SMARCC1: variants seen among roughly 807,000 people sequenced by gnomAD.
The protein encoded by SMARCC1 is SWI/SNF related BAF chromatin remodeling complex subunit C1.
In SMARCC1, 43 loss-of-function variants were observed where a neutral mutation model predicts 147.4. The observed-to-expected ratio is 0.29, with a 90% CI of 0.23 to 0.38. The LOEUF is 0.38. Among genes scored for constraint, SMARCC1 ranks in the 10% least tolerant of loss-of-function variants. The pLI, the probability that SMARCC1 is intolerant of heterozygous loss-of-function variation, is 1.00. For synonymous variants in SMARCC1, 495 were observed against 484.4 expected (o/e 1.02, Z -0.29); for missense variants, 1,119 against 1,381.1 (o/e 0.81, Z 3.01).
intron 3 of SMARCC1, among the ~76,000 whole-genome samples, chr3:47,740,209 TTTA>T (rs1224314379): frequency 3.0e-5 from 4 of 133,562 alleles, no homozygotes; most frequent in African/African-American, 8.7e-5. Context: ...TTTTTTTTTT[TTTA>T]AAAGACAGAC....
chr3:47,667,111 A>T (rs544237534), intron 19 of SMARCC1, among the ~76,000 whole-genome samples: 5 of 152,146 alleles, frequency 3.3e-5, no homozygotes, highest in Non-Finnish European at 7.4e-5. Context: ...AGGTCAGGAG[A>T]TCGAGACCAT....
At chr3:47,609,442 A>G (rs1576386378) in intron 26 of SMARCC1, among the ~76,000 whole-genome samples, 1 of 152,118 alleles carries the variant, frequency 6.6e-6, no homozygotes, top group East Asian at 1.9e-4. Flanking sequence ...GCTTGCAGTG[A>G]GCCAAGATCG....
intron 22 of SMARCC1, among the ~76,000 whole-genome samples, chr3:47,636,966 T>C (rs2032979366): frequency 6.6e-6 from 1 of 152,168 alleles, no homozygotes; most frequent in South Asian, 2.1e-4. Context: ...GCTAATAATT[T>C]CAGGAAGAAC....
chr3:47,723,754 G>A (rs1484026856), intron 6 of SMARCC1, among the ~76,000 whole-genome samples: 1 of 151,964 alleles, frequency 6.6e-6, no homozygotes, highest in Non-Finnish European at 1.5e-5. Flanking sequence ...AGGTTGCAGC[G>A]AGCGGAGACC....
intron 2 of SMARCC1, among the ~76,000 whole-genome samples, chr3:47,746,798 T>C (rs1396957439): frequency 6.7e-6 from 1 of 149,768 alleles, no homozygotes; most frequent in Non-Finnish European, 1.5e-5. Flanking sequence ...TGGTGCTATC[T>C]CGGCTCACTG....
chr3:47,683,374 A>T (rs1002714330), intron 14 of SMARCC1, among the ~76,000 whole-genome samples: 1 of 152,050 alleles, frequency 6.6e-6, no homozygotes, highest in Non-Finnish European at 1.5e-5. Flanking sequence ...TGTACTCAGG[A>T]AAGTCTCAAT....
chr3:47,766,723 C>T (rs768492912), intron 2 of SMARCC1, among the ~76,000 whole-genome samples: 1 of 152,186 alleles, frequency 6.6e-6, no homozygotes, highest in East Asian at 1.9e-4. Flanking sequence ...TTGTTTTATA[C>T]CCACATCTTC....
In SMARCC1 at chr3:47,746,977, G is replaced by A. The variant is rs374225215; in HGVS notation, c.316-984C>T. Among the ~76,000 whole-genome samples, 10 of 151,738 alleles carry A rather than the reference G, an allele frequency of 6.6e-5. 1 individual carries two copies. The highest frequency in any genetic ancestry group is 4.2e-4 in the South Asian group (2 of 4,792). ...ACTCCCAACCTCAGGTGATCTGCCC[G>A]CCTCAACCTCCCAAAGTGCTGTGAT... On this transcript the variant is annotated intron_variant, in intron 2 of 27. Coordinates refer to ENST00000254480, the MANE Select transcript of SMARCC1 (RefSeq NM_003074.4).
intron 21 of SMARCC1, among the ~76,000 whole-genome samples, 187 bp downstream of exon 21, chr3:47,661,107 T>G (rs1394094422): frequency 6.6e-6 from 1 of 152,204 alleles, no homozygotes; most frequent in East Asian, 1.9e-4. Flanking sequence ...AGTTACAAGA[T>G]AATTTTTTAG....
Position 47,736,024 on chromosome 3 carries a change from T to A in SMARCC1, c.576+10A>T. The A allele has an allele frequency of 1.5e-6, 2 of 1,344,542 alleles. No homozygotes were observed. The highest frequency in any genetic ancestry group is 2.1e-6 in the Non-Finnish European group (2 of 954,500). 83.3% of individuals were successfully genotyped at this position (1,344,542 alleles called of 1,614,324 possible). On this transcript the variant is annotated intron_variant, in intron 5 of 27. Transcript: ENST00000254480. ...TGTCTATTATTATCTGAAGTGATTG[T>A]GTCTATTACCTGATGTCGTTTGATG...
intron 11 of SMARCC1, among the ~76,000 whole-genome samples, chr3:47,700,167 TAA>T (rs912206538): frequency 2.0e-5 from 3 of 151,830 alleles, no homozygotes; most frequent in Admixed American, 1.3e-4. Flanking sequence ...TTCATTTCAA[TAA>T]AGTATATTAA....
At chr3:47,690,822 G>A (rs575623853) in intron 12 of SMARCC1, among the ~76,000 whole-genome samples, 1 of 152,332 alleles carries the variant, frequency 6.6e-6, no homozygotes, top group South Asian at 2.1e-4. Flanking sequence ...ACAAGGAATA[G>A]GTGATTCTGG....
chr3:47,757,085 C>CA (rs1055109623), intron 2 of SMARCC1, among the ~76,000 whole-genome samples: 10 of 151,872 alleles, frequency 6.6e-5, no homozygotes, highest in East Asian at 1.9e-4. Context: ...ACTGTCTCTA[C>CA]AAAAAAACAG....
At chr3:47,664,811 G>A (rs2033401580) in intron 19 of SMARCC1, among the ~76,000 whole-genome samples, 1 of 152,050 alleles carries the variant, frequency 6.6e-6, no homozygotes, top group African/African-American at 2.4e-5. Context: ...CATGTATGCT[G>A]TAAAACATAT....
intron 21 of SMARCC1, among the ~76,000 whole-genome samples, chr3:47,658,257 C>T (rs2033289070): frequency 6.6e-6 from 1 of 152,192 alleles, no homozygotes; most frequent in African/African-American, 2.4e-5. Flanking sequence ...AATTCACATA[C>T]TATAGAATTC....
intron 21 of SMARCC1, among the ~76,000 whole-genome samples, chr3:47,658,670 G>T (rs1226365048): frequency 6.6e-6 from 1 of 152,160 alleles, no homozygotes; most frequent in East Asian, 1.9e-4. Context: ...TCACATATCA[G>T]ATGATGGACA....
chr3:47,609,975 A>G (rs1449371496), intron 26 of SMARCC1, 91 bp downstream of exon 26: 2 of 1,409,366 alleles, frequency 1.4e-6, no homozygotes, highest in East Asian at 4.6e-5. Flanking sequence ...AGTCTTCATC[A>G]GAAAACACCA....
At chr3:47,768,102 A>C (rs1398759840) in intron 2 of SMARCC1, among the ~76,000 whole-genome samples, 1 of 152,148 alleles carries the variant, frequency 6.6e-6, no homozygotes, top group Non-Finnish European at 1.5e-5. Flanking sequence ...GGCCTCCCAA[A>C]GTGCTGAGAT....
At chr3:47,756,520 C>G (rs1374269742) in intron 2 of SMARCC1, among the ~76,000 whole-genome samples, 1 of 111,144 alleles carries the variant, frequency 9.0e-6, no homozygotes, top group Non-Finnish European at 1.7e-5. Flanking sequence ...GCAACAAGAG[C>G]GAAACTCCGT....
Sources: gnomAD v4.1 joint callset for allele counts (sites outside exome capture counted in the v4.1 genomes callset) on GRCh38, gnomAD v4.1.1 for gene constraint, MANE v1.5 for transcripts, NCBI Gene and HGNC (gene_info 2026-07-23, HGNC 2026-07-21) for gene names.